The following LEPR variants were observed in gnomAD, a reference collection of about 807,000 sequenced individuals.
LEPR encodes the protein leptin receptor, also known as OB receptor.
In LEPR, 56 loss-of-function variants were observed where a neutral mutation model predicts 114.7. That is an observed-to-expected ratio of 0.49 (90% CI 0.39 to 0.61). The LOEUF (loss-of-function observed/expected upper bound fraction) is 0.61, where lower values mean the gene tolerates loss of function less well. Among genes scored for constraint, LEPR ranks in the 20% least tolerant of loss-of-function variants. The pLI, the probability that LEPR is intolerant of heterozygous loss-of-function variation, is 0.00. For synonymous variants in LEPR, 443 were observed against 461.4 expected, an observed-to-expected ratio of 0.96 and a Z score of 0.51; for missense variants, 1,202 against 1,352.9, an observed-to-expected ratio of 0.89 and a Z score of 1.75.
At chr1:65,542,451 T>C (rs951781485) in intron 2 of LEPR, among the ~76,000 whole-genome samples, 1 of 151,986 alleles carries the variant, frequency 6.6e-6, no homozygotes, top group Non-Finnish European at 1.5e-5. Flanking sequence ...TGAGAAACAT[T>C]GTGCCTATTC....
chr1:65,497,374 A>T (rs1362802241), intron 2 of LEPR, among the ~76,000 whole-genome samples: 1 of 152,140 alleles, frequency 6.6e-6, no homozygotes, highest in Non-Finnish European at 1.5e-5. Context: ...TCTGTTTCTT[A>T]TTCCACATGA....
chr1:65,532,654 A>G (rs1324939174), intron 2 of LEPR, among the ~76,000 whole-genome samples: 1 of 152,138 alleles, frequency 6.6e-6, no homozygotes, highest in Non-Finnish European at 1.5e-5. Flanking sequence ...TTAGGCAATA[A>G]AAGGGAATGA....
At chr1:65,505,403 C>T (rs1648672200) in intron 2 of LEPR, among the ~76,000 whole-genome samples, 1 of 152,106 alleles carries the variant, frequency 6.6e-6, no homozygotes. Context: ...CTGTCTGATC[C>T]CACATTAATA....
At chr1:65,579,033 C>A (rs1297609996) in intron 5 of LEPR, among the ~76,000 whole-genome samples, 1 of 152,156 alleles carries the variant, frequency 6.6e-6, no homozygotes, top group Admixed American at 6.5e-5. Context: ...GACTGATGAA[C>A]CTACAAGCCC....
chr1:65,436,203 A>T (rs926135121), intron 2 of LEPR, among the ~76,000 whole-genome samples: 2 of 152,354 alleles, frequency 1.3e-5, no homozygotes, highest in East Asian at 3.9e-4. Flanking sequence ...GCTGACTGGA[A>T]GGAATCCAGG....
intron 11 of LEPR, among the ~76,000 whole-genome samples, chr1:65,607,235 A>C (rs1415134360): frequency 6.6e-6 from 1 of 152,170 alleles, no homozygotes; most frequent in Non-Finnish European, 1.5e-5. Flanking sequence ...GGATGGTTTC[A>C]TACATTAGCC....
At chr1:65,534,441 A>G (rs1238661641) in intron 2 of LEPR, among the ~76,000 whole-genome samples, 1 of 152,174 alleles carries the variant, frequency 6.6e-6, no homozygotes, top group Non-Finnish European at 1.5e-5. Flanking sequence ...CCATTTATTT[A>G]TTCAAATATT....
intron 14 of LEPR, among the ~76,000 whole-genome samples, chr1:65,611,059 T>C (rs935389923): frequency 4.6e-5 from 7 of 152,246 alleles, no homozygotes; most frequent in African/African-American, 1.2e-4. Flanking sequence ...TAATTTCATT[T>C]GGTGAATAAT....
chr1:65,608,830 C>T lies in LEPR; in HGVS notation c.1681C>T (p.Pro561Ser). Reference protein sequence around the residue: ...IGLLKISWEKPVFPENNLQFQ... With the variant: ...IGLLKISWEKSVFPENNLQFQ... The stretch of plus-strand genomic sequence containing the variant: ...ATTATTGAAAATATCTTGGGAAAAG[C>T]CAGTCTTTCCAGAGAATAACCTTCA... Residue 561 changes from proline to serine, a missense_variant, in exon 12 of 20, where the codon CCA becomes TCA. Pro to Ser is a moderately conservative substitution (Grantham distance 74, BLOSUM62 -1). Coordinates refer to ENST00000349533, the MANE Select transcript of LEPR (RefSeq NM_002303.6). 2 of 1,613,632 alleles carry T rather than the reference C, an allele frequency of 1.2e-6. No homozygotes were observed. The highest frequency in any genetic ancestry group is 8.5e-7 in the Non-Finnish European group (1 of 1,179,798).
chr1:65,436,056 T>G (rs1004696253), intron 2 of LEPR: 5 of 984,996 alleles, frequency 5.1e-6, no homozygotes, highest in Non-Finnish European at 4.8e-6. Flanking sequence ...TATTTTACTT[T>G]GCGGTACGTT....
chr1:65,622,866 T>C, intron 18 of LEPR, 40 bp from the exon 19 acceptor site: 1 of 1,604,738 alleles, frequency 6.2e-7, no homozygotes, highest in East Asian at 2.2e-5. Context: ...TCAATATGGA[T>C]GTTTTTCTCT....
intron 2 of LEPR, among the ~76,000 whole-genome samples, chr1:65,492,836 G>T: frequency 6.7e-6 from 1 of 149,874 alleles, no homozygotes. Flanking sequence ...CCAAAAAAGT[G>T]AATATTTATT....
chr1:65,452,955 G>T (rs1392779045), intron 2 of LEPR, among the ~76,000 whole-genome samples: 2 of 152,224 alleles, frequency 1.3e-5, no homozygotes, highest in East Asian at 3.8e-4. Flanking sequence ...CACAATTTCA[G>T]ATCCTGTTAT....
intron 16 of LEPR, among the ~76,000 whole-genome samples, chr1:65,619,635 C>T (rs1294418365): frequency 2.0e-5 from 3 of 152,114 alleles, no homozygotes; most frequent in African/African-American, 7.2e-5. Flanking sequence ...AAAGCTCATA[C>T]ACCCTGCACT....
Position 65,585,352 on chromosome 1 carries a change from A to T in LEPR, c.495-7305A>T, listed in dbSNP as rs1570754045. Among the ~76,000 whole-genome samples the T allele has an allele frequency of 3.3e-5, 5 of 152,204 alleles. No individual in the cohort carries two copies. The South Asian group carries it at 1.0e-3, about 31-fold the overall frequency. On this transcript the variant is annotated intron_variant, in intron 5 of 19. Coordinates refer to ENST00000349533, the MANE Select transcript of LEPR (RefSeq NM_002303.6). ...ACCAATTTGGTGTTATTCCTGTAAT[A>T]ATTTAGCATAGAATTTGCTTGGAGA... is the stretch of plus-strand genomic sequence containing the variant.
intron 2 of LEPR, among the ~76,000 whole-genome samples, chr1:65,440,020 A>G (rs1277383574): frequency 3.3e-5 from 5 of 149,796 alleles, no homozygotes; most frequent in South Asian, 2.1e-4. Flanking sequence ...AAAAAAAAAA[A>G]AAAAGAAAAA....
At chr1:65,629,884 C>T (rs564677581) in intron 19 of LEPR, among the ~76,000 whole-genome samples, 1 of 152,252 alleles carries the variant, frequency 6.6e-6, no homozygotes, top group Admixed American at 6.5e-5. Flanking sequence ...TAAGCCATCA[C>T]TCTAAACTTT....
Position 65,638,822 on chromosome 1 carries a change from G to A in LEPR, c.*1807G>A, listed in dbSNP as rs1658793148. 1.3e-5 allele frequency: 2 copies of A among 152,286 alleles called. No homozygotes were observed. The highest frequency in any genetic ancestry group is 2.1e-4 in the South Asian group (1 of 4,818). The allele number at this position is 152,286 out of a possible 1,614,324, so 9.4% of individuals were successfully genotyped here. On this transcript the variant is annotated 3_prime_UTR_variant, in exon 20 of 20. Transcript: ENST00000349533. ...AGCAACTCATTACTTGATGTGGTAC[G>A]AGAGCCTTAGTTCTATGCAAAGATA...
At chr1:65,550,026 T>C (rs1570668416) in intron 2 of LEPR, among the ~76,000 whole-genome samples, 2 of 152,210 alleles carry the variant, frequency 1.3e-5, no homozygotes, top group Admixed American at 6.5e-5. Flanking sequence ...AGTTTTCCTT[T>C]TAACAGACAG....
Sources: gnomAD v4.1 joint callset for allele counts (sites outside exome capture counted in the v4.1 genomes callset) on GRCh38, gnomAD v4.1.1 for gene constraint, MANE v1.5 for transcripts, NCBI Gene and HGNC (gene_info 2026-07-23, HGNC 2026-07-21) for gene names.